LSAMP: variants seen among roughly 807,000 people sequenced by gnomAD.
LSAMP encodes the protein limbic system-associated membrane protein.
Under a neutral mutation model 38.6 loss-of-function variants are expected in LSAMP, and 7 were observed. That is an observed-to-expected ratio of 0.18 (90% CI 0.10 to 0.34). The LOEUF (loss-of-function observed/expected upper bound fraction) is 0.34, where lower values mean the gene tolerates loss of function less well. Among genes scored for constraint, LSAMP ranks in the 10% least tolerant of loss-of-function variants. The pLI is 1.00. For synonymous variants in LSAMP, 154 were observed against 166.8 expected (o/e 0.92, Z 0.59); for missense variants, 313 against 420.0 (o/e 0.75, Z 2.23).
chr3:116,399,142 G>A (rs2107823544), intron 1 of LSAMP, among the ~76,000 whole-genome samples: 1 of 152,316 alleles, frequency 6.6e-6, no homozygotes. Context: ...TAAGACTAGA[G>A]AGTTATGTAA....
chr3:115,828,747 A>T (rs918834803), intron 6 of LSAMP, among the ~76,000 whole-genome samples: 22 of 151,896 alleles, frequency 1.4e-4, no homozygotes, highest in Non-Finnish European at 2.2e-4. Context: ...TACTTTGAAA[A>T]TTTTTTTTTC....
chr3:115,825,730 T>C (rs1211999487), intron 6 of LSAMP, among the ~76,000 whole-genome samples: 1 of 152,214 alleles, frequency 6.6e-6, no homozygotes, highest in African/African-American at 2.4e-5. Flanking sequence ...TTAAACTTGA[T>C]GTATTCGTAT....
intron 4 of LSAMP, among the ~76,000 whole-genome samples, chr3:115,843,422 A>C (rs1220976012): frequency 6.6e-6 from 1 of 152,126 alleles, no homozygotes; most frequent in Non-Finnish European, 1.5e-5. Context: ...CTTTGTTAGG[A>C]TTATAGACTC....
Position 116,010,369 on chromosome 3 carries a change from C to T in LSAMP, c.514+9146G>A, listed in dbSNP as rs190958533. ...AGAGTCTGACTTTTCCCTGGAATAA[C>T]TAATTCATTTATTCCTTCAGAAAAT... On this transcript the variant is annotated intron_variant, in intron 3 of 6. Transcript: ENST00000490035. 2.0e-3 allele frequency among the ~76,000 whole-genome samples: 299 copies of T among 152,312 alleles called. 1 individual carries two copies. The highest frequency in any genetic ancestry group is 3.5e-3 in the Non-Finnish European group (236 of 68,028).
chr3:115,836,418 A>G (rs1440837887), intron 6 of LSAMP, among the ~76,000 whole-genome samples: 1 of 152,200 alleles, frequency 6.6e-6, no homozygotes, highest in Non-Finnish European at 1.5e-5. Context: ...TACCACTTAT[A>G]AGGAAAACGA....
chr3:116,285,167 C>T (rs796164422), intron 1 of LSAMP, among the ~76,000 whole-genome samples: 24 of 152,216 alleles, frequency 1.6e-4, no homozygotes, highest in African/African-American at 5.1e-4. Context: ...TCTGAACTCC[C>T]TTCAACTTCC....
At chr3:116,024,270 T>A (rs927576175) in intron 2 of LSAMP, among the ~76,000 whole-genome samples, 1 of 152,168 alleles carries the variant, frequency 6.6e-6, no homozygotes, top group African/African-American at 2.4e-5. Flanking sequence ...TAGAACATAG[T>A]AGGTGCTCAA....
chr3:116,401,882 G>T (rs1008651306), intron 1 of LSAMP, among the ~76,000 whole-genome samples: 8 of 149,824 alleles, frequency 5.3e-5, no homozygotes, highest in Non-Finnish European at 1.5e-5. Flanking sequence ...GAGATGAAAG[G>T]CTAGGTCTTA....
chr3:115,867,491 C>T (rs1038918041), intron 3 of LSAMP, among the ~76,000 whole-genome samples: 2 of 152,054 alleles, frequency 1.3e-5, no homozygotes, highest in African/African-American at 4.8e-5. Context: ...CAGTGGCTCT[C>T]AGGGAACATT....
intron 1 of LSAMP, among the ~76,000 whole-genome samples, chr3:116,442,047 T>C (rs1386699751): frequency 3.3e-5 from 5 of 152,216 alleles, no homozygotes; most frequent in African/African-American, 4.8e-5. Flanking sequence ...CATAATTATA[T>C]AGTTTTTATT....
At chr3:115,926,434 G>C (rs1459742842) in intron 3 of LSAMP, among the ~76,000 whole-genome samples, 1 of 152,172 alleles carries the variant, frequency 6.6e-6, no homozygotes. Flanking sequence ...CATTTTTCTA[G>C]CACTGAGAGC....
At position 116,122,482 on chromosome 3, in the gene LSAMP, T is replaced by C. The variant is rs1708906245; in HGVS notation, c.156-35926A>G. Among the ~76,000 whole-genome samples, 3 of 152,156 alleles carry C rather than the reference T, an allele frequency of 2.0e-5. 1 individual carries two copies. In the South Asian group the frequency reaches 6.2e-4, roughly 31 times the overall value. ...CTGTCTGAAGAAGAGACCCCATCAC[T>C]CTATCTTCCTGTAAAGTACTTACCA... On this transcript the variant is annotated intron_variant, in intron 1 of 6. Transcript: ENST00000490035.
intron 1 of LSAMP, among the ~76,000 whole-genome samples, chr3:116,175,210 G>GGGTT (rs1710307640): frequency 6.6e-6 from 1 of 152,000 alleles, no homozygotes; most frequent in Non-Finnish European, 1.5e-5. Flanking sequence ...GCAAGGCCAA[G>GGGTT]GGTTTGCTTG....
chr3:116,054,146 G>A (rs1941446083), intron 2 of LSAMP, among the ~76,000 whole-genome samples: 1 of 152,112 alleles, frequency 6.6e-6, no homozygotes, highest in Non-Finnish European at 1.5e-5. Flanking sequence ...GCATTCCTGA[G>A]CTCCTGGCCA....
At chr3:116,387,395 C>T (rs1354471837) in intron 1 of LSAMP, among the ~76,000 whole-genome samples, 3 of 152,112 alleles carry the variant, frequency 2.0e-5, no homozygotes, top group African/African-American at 7.2e-5. Flanking sequence ...AGTCAGAGAA[C>T]ATCTAATATA....
chr3:115,966,174 C>T (rs1938807441), intron 3 of LSAMP, among the ~76,000 whole-genome samples: 1 of 152,186 alleles, frequency 6.6e-6, no homozygotes, highest in South Asian at 2.1e-4. Context: ...GGTCTTTCTC[C>T]TGTTGCCAGC....
chr3:116,030,313 G>C (rs1261558859), intron 2 of LSAMP, among the ~76,000 whole-genome samples: 2 of 152,130 alleles, frequency 1.3e-5, no homozygotes, highest in Non-Finnish European at 2.9e-5. Flanking sequence ...CACTCTGTGT[G>C]ATGTCAAGTG....
intron 1 of LSAMP, among the ~76,000 whole-genome samples, chr3:116,116,325 A>C (rs964936182): frequency 3.3e-5 from 5 of 151,556 alleles, no homozygotes; most frequent in Admixed American, 1.3e-4. Flanking sequence ...TGTCATTATC[A>C]TTTGTTTATT....
intron 1 of LSAMP, among the ~76,000 whole-genome samples, chr3:116,250,502 C>T (rs1448381675): frequency 6.6e-6 from 1 of 151,984 alleles, no homozygotes; most frequent in Non-Finnish European, 1.5e-5. Context: ...AAATTATTAT[C>T]AATACTGGAA....
Sources: allele counts gnomAD v4.1 joint callset (sites outside exome capture counted in the v4.1 genomes callset), GRCh38; gene constraint gnomAD v4.1.1; transcripts MANE v1.5; gene names NCBI Gene and HGNC (gene_info 2026-07-23, HGNC 2026-07-21).